UBR4: variants seen among roughly 807,000 people sequenced by gnomAD.
UBR4 encodes E3 ubiquitin-protein ligase UBR4.
Under a neutral mutation model 575.6 loss-of-function variants are expected in UBR4, and 124 were observed. That is an observed-to-expected ratio of 0.22 (90% CI 0.19 to 0.25). UBR4 has a LOEUF of 0.25. UBR4 is among the 10% of genes least tolerant of loss of function. UBR4 has a pLI of 1.00. For synonymous variants in UBR4, 2,455 were observed against 2,473.7 expected, an observed-to-expected ratio of 0.99 and a Z score of 0.22; for missense variants, 4,818 against 6,478.8, an observed-to-expected ratio of 0.74 and a Z score of 8.80.
intron 30 of UBR4, 123 bp from the exon 31 acceptor site, chr1:19,165,472 G>T (rs1480650565): frequency 9.4e-7 from 1 of 1,062,090 alleles, no homozygotes; most frequent in African/African-American, 1.6e-5. Flanking sequence ...ATAGCACAAG[G>T]TGTTCATGAA....
At chr1:19,186,967 G>A (rs1380280836) in intron 13 of UBR4, among the ~76,000 whole-genome samples, 197 bp downstream of exon 13, 1 of 151,710 alleles carries the variant, frequency 6.6e-6, no homozygotes, top group East Asian at 1.9e-4. Context: ...TCAAATGTTT[G>A]GATAGATTCA....
chr1:19,187,889 A>T (rs1040872052), intron 11 of UBR4, among the ~76,000 whole-genome samples: 5 of 152,090 alleles, frequency 3.3e-5, no homozygotes, highest in African/African-American at 9.7e-5. Context: ...CTAGAGAGGG[A>T]GACCCTGTCT....
At chr1:19,182,212 A>G (rs2091038156) in intron 17 of UBR4, among the ~76,000 whole-genome samples, 1 of 152,220 alleles carries the variant, frequency 6.6e-6, no homozygotes, top group Non-Finnish European at 1.5e-5. Flanking sequence ...AATGGACACC[A>G]GGGTTGCTTC....
intron 1 of UBR4, 57 bp downstream of exon 1, chr1:19,210,016 G>C: frequency 3.4e-6 from 5 of 1,480,434 alleles, no homozygotes; most frequent in Non-Finnish European, 3.6e-6. Context: ...CAGACGATCC[G>C]GCTCGAAATC....
At position 19,076,879 on chromosome 1, in the gene UBR4, C is replaced by T; in HGVS notation, c.15348G>A (p.Glu5116=). The T allele has an allele frequency of 1.3e-6, 2 of 1,585,302 alleles. No homozygotes were observed. Among genetic ancestry groups the T allele is most frequent in the Non-Finnish European group, 1.7e-6 (2 of 1,167,198 alleles). Reference sequence around the variant, plus strand: ...CAGCGAGAGAGCAGGACCAGCCTCCCTCTGTGTTACTGGTAGGCACCTTCT... The same window carrying T: ...CAGCGAGAGAGCAGGACCAGCCTCCTTCTGTGTTACTGGTAGGCACCTTCT... ...MFKKVPTSNT[E]GGWSCSLAEY... is the part of the protein sequence containing the mutation. The change falls in exon 105 of 106, where the codon GAG becomes GAA. Residue 5116 remains glutamate (E), a synonymous_variant. Transcript: ENST00000375254.
At chr1:19,169,959 A>G (rs1446666951) in intron 26 of UBR4, among the ~76,000 whole-genome samples, 5 of 152,236 alleles carry the variant, frequency 3.3e-5, no homozygotes, top group East Asian at 3.8e-4. Context: ...ACAGCATTCA[A>G]TGAAGCAGTA....
intron 36 of UBR4, 43 bp downstream of exon 36, chr1:19,161,784 G>A (rs773712813): frequency 1.9e-5 from 31 of 1,613,830 alleles, no homozygotes; most frequent in East Asian, 8.9e-5. Context: ...CCCAACAATC[G>A]GTGCCCAGCA....
chr1:19,170,947 G>T, intron 25 of UBR4, 64 bp from the exon 26 acceptor site: 1 of 1,609,896 alleles, frequency 6.2e-7, no homozygotes, highest in East Asian at 2.2e-5. Flanking sequence ...AGGAAAAACT[G>T]GCCCTAGACT....
intron 47 of UBR4, 48 bp from the exon 48 acceptor site, chr1:19,151,907 T>G: frequency 6.7e-7 from 1 of 1,481,650 alleles, no homozygotes; most frequent in Non-Finnish European, 9.0e-7. Context: ...AGTTCTTAAG[T>G]TTTAACTAGG....
intron 60 of UBR4, 58 bp downstream of exon 60, chr1:19,137,949 A>G (rs2083384510): frequency 1.4e-6 from 2 of 1,424,732 alleles, no homozygotes; most frequent in Non-Finnish European, 1.9e-6. Context: ...CAGTCCTACT[A>G]TTCCTGAAAT....
intron 97 of UBR4, among the ~76,000 whole-genome samples, chr1:19,091,444 C>T (rs2077503233): frequency 6.6e-6 from 1 of 152,050 alleles, no homozygotes; most frequent in African/African-American, 2.4e-5. Flanking sequence ...CAGAACACTA[C>T]AAACAGAAAA....
intron 26 of UBR4, 40 bp downstream of exon 26, chr1:19,170,722 G>A (rs773072470): frequency 2.5e-6 from 4 of 1,613,920 alleles, no homozygotes; most frequent in Non-Finnish European, 3.4e-6. Context: ...AGTAGTAGCT[G>A]TTGTAATAAT....
intron 60 of UBR4, among the ~76,000 whole-genome samples, chr1:19,133,904 C>T (rs2082852238): frequency 6.6e-6 from 1 of 151,958 alleles, no homozygotes; most frequent in South Asian, 2.1e-4. Context: ...CATGACAAAA[C>T]TCTGTCTCTA....
chr1:19,131,599 C>T lies in UBR4; in HGVS notation c.8907-2525G>A, dbSNP rs527736925. 3.9e-5 allele frequency among the ~76,000 whole-genome samples: 6 copies of T among 152,230 alleles called. No individual in the cohort carries two copies. In the East Asian group the frequency reaches 5.8e-4, roughly 15 times the overall value. On this transcript the variant is annotated intron_variant, in intron 60 of 105. Coordinates refer to ENST00000375254, the MANE Select transcript of UBR4 (RefSeq NM_020765.3). ...CAAAAAAAATCTAAAATACACTGGG[C>T]GTGGTGGCTCATGCCTGTAATCCTA... is the stretch of plus-strand genomic sequence containing the variant.
intron 20 of UBR4, 46 bp downstream of exon 20, chr1:19,176,546 A>C (rs763687746): frequency 1.9e-6 from 3 of 1,598,424 alleles, no homozygotes; most frequent in Non-Finnish European, 2.6e-6. Flanking sequence ...AACCCCACCA[A>C]TGAGAATCAG....
At position 19,138,185 on chromosome 1, in the gene UBR4, G is replaced by A. The variant is rs746017806; in HGVS notation, c.8732-4C>T. The stretch of plus-strand genomic sequence containing the variant: ...TAAGCACTGCTCCGGCCAGATACTA[G>A]AGGGAAATGGTTTAAAAAGCACAAA... On this transcript the variant is annotated splice_region_variant and splice_polypyrimidine_tract_variant and intron_variant, in intron 59 of 105. Coordinates refer to ENST00000375254, the MANE Select transcript of UBR4 (RefSeq NM_020765.3). 6.7e-7 allele frequency: 1 copy of A among 1,492,844 alleles called. No homozygotes were observed. The highest frequency in any genetic ancestry group is 9.0e-7 in the Non-Finnish European group (1 of 1,110,846). 92.5% of individuals were successfully genotyped at this position (1,492,844 alleles called of 1,614,324 possible).
chr1:19,082,779 C>T (rs1360325583), intron 102 of UBR4, among the ~76,000 whole-genome samples: 1 of 152,240 alleles, frequency 6.6e-6, no homozygotes, highest in Non-Finnish European at 1.5e-5. Context: ...TCAACTTGAT[C>T]TTCCAGCCCT....
intron 8 of UBR4, among the ~76,000 whole-genome samples, chr1:19,195,706 T>A (rs772920998): frequency 4.6e-5 from 7 of 152,176 alleles, no homozygotes; most frequent in Non-Finnish European, 1.0e-4. Context: ...GCCCTAAATG[T>A]ACGCTGCCTG....
At chr1:19,200,000 T>G (rs1356773177) in intron 2 of UBR4, among the ~76,000 whole-genome samples, 1 of 152,250 alleles carries the variant, frequency 6.6e-6, no homozygotes, top group East Asian at 1.9e-4. Flanking sequence ...GCCAAGCACT[T>G]CAAAGGTATT....
Sources: gnomAD v4.1 joint callset for allele counts (sites outside exome capture counted in the v4.1 genomes callset) on GRCh38, gnomAD v4.1.1 for gene constraint, MANE v1.5 for transcripts, NCBI Gene and HGNC (gene_info 2026-07-23, HGNC 2026-07-21) for gene names.